PSME4: variants seen among roughly 807,000 people sequenced by gnomAD.
PSME4 encodes the protein proteasome activator complex subunit 4.
In PSME4, 89 loss-of-function variants were observed where a neutral mutation model predicts 253.9. That is an observed-to-expected ratio of 0.35 (90% CI 0.30 to 0.42). The LOEUF (loss-of-function observed/expected upper bound fraction) is 0.42, where lower values mean the gene tolerates loss of function less well. Among genes scored for constraint, PSME4 ranks in the 10% least tolerant of loss-of-function variants. The pLI, the probability that PSME4 is intolerant of heterozygous loss-of-function variation, is 1.00. For missense variants in PSME4, 2,014 were observed against 2,195.2 expected, an observed-to-expected ratio of 0.92 and a Z score of 1.65; for synonymous variants, 851 against 759.2, an observed-to-expected ratio of 1.12 and a Z score of -1.99.
chr2:53,943,136 C>T (rs1669530807), intron 3 of PSME4, among the ~76,000 whole-genome samples: 1 of 152,186 alleles, frequency 6.6e-6, no homozygotes, highest in Admixed American at 6.5e-5. Context: ...ATGATATATT[C>T]AAGATGAGAG....
intron 20 of PSME4, among the ~76,000 whole-genome samples, chr2:53,913,263 C>A (rs986266648): frequency 6.6e-6 from 1 of 151,930 alleles, no homozygotes; most frequent in Non-Finnish European, 1.5e-5. Flanking sequence ...TAAAAAAGGA[C>A]CTATGAATTT....
At chr2:53,945,216 T>A (rs1192683282) in intron 3 of PSME4, among the ~76,000 whole-genome samples, 1 of 152,234 alleles carries the variant, frequency 6.6e-6, no homozygotes, top group East Asian at 1.9e-4. Context: ...ATGTTGCCTA[T>A]ACTATAACTT....
Position 53,970,823 on chromosome 2 carries a change from C to A in PSME4, c.-39G>T, listed in dbSNP as rs1326933766. The A allele has an allele frequency of 7.1e-6, 10 of 1,402,044 alleles. No individual in the cohort carries two copies. Among genetic ancestry groups the A allele is most frequent in the South Asian group, 1.4e-5 (1 of 71,116 alleles). 86.9% of individuals were successfully genotyped at this position (1,402,044 alleles called of 1,614,324 possible). A position where few individuals can be genotyped will look rare whatever the true frequency, so the allele number is the denominator to read the frequency against. On this transcript the variant is annotated 5_prime_UTR_variant, in exon 1 of 47. Transcript: ENST00000404125. ...CCCCCCCCACCCCCTCCCACCCGAA[C>A]CCTCCCCGGCCCCCACCCCTCTCCG...
chr2:53,954,935 T>C (rs977571826), intron 1 of PSME4, among the ~76,000 whole-genome samples: 7 of 151,960 alleles, frequency 4.6e-5, no homozygotes, highest in African/African-American at 9.7e-5. Context: ...ATCCTAGCAC[T>C]CTGGGAAGTT....
intron 27 of PSME4, among the ~76,000 whole-genome samples, chr2:53,903,109 CTTA>C (rs1044924803): frequency 6.6e-6 from 1 of 152,158 alleles, no homozygotes; most frequent in African/African-American, 2.4e-5. Context: ...TGGTCCTCTT[CTTA>C]TTCTCCTCCT....
intron 5 of PSME4, among the ~76,000 whole-genome samples, 183 bp from the exon 6 acceptor site, chr2:53,937,010 AATTT>A (rs1339939317): frequency 6.6e-6 from 1 of 152,156 alleles, no homozygotes; most frequent in Non-Finnish European, 1.5e-5. Context: ...TTCCTTTCCT[AATTT>A]ATTTAAGAAA....
At chr2:53,876,537 G>A (rs186636710) in intron 41 of PSME4, among the ~76,000 whole-genome samples, 108 of 152,056 alleles carry the variant, frequency 7.1e-4, no homozygotes, top group Non-Finnish European at 1.3e-3. Context: ...TATAAAAAGA[G>A]AGATTTGCGA....
At chr2:53,952,259 T>C (rs925503613) in intron 1 of PSME4, among the ~76,000 whole-genome samples, 2 of 151,604 alleles carry the variant, frequency 1.3e-5, no homozygotes, top group Non-Finnish European at 2.9e-5. Flanking sequence ...GCCAATATGG[T>C]GAAACTTTGT....
At chr2:53,949,393 C>T (rs571930579) in intron 1 of PSME4, 110 bp from the exon 2 acceptor site, 5 of 561,668 alleles carry the variant, frequency 8.9e-6, no homozygotes, top group Non-Finnish European at 1.4e-5. Context: ...TGAATGGCCA[C>T]AGAAGGATGA....
In PSME4 at chr2:53,921,448, T is replaced by C. The variant is rs1319988268; in HGVS notation, c.2047-344A>G. Among the ~76,000 whole-genome samples the C allele has an allele frequency of 2.0e-5, 3 of 151,178 alleles. No homozygotes were observed. In the South Asian group the frequency reaches 6.3e-4, roughly 32 times the overall value. On this transcript the variant is annotated intron_variant, in intron 17 of 46. Transcript: ENST00000404125. ...TTTTAGTAGAGACAAGGTTTCACCATGTTGGCCAGGATGGTCTCTAACTCC... is the reference window on the plus strand; with the variant it reads ...TTTTAGTAGAGACAAGGTTTCACCACGTTGGCCAGGATGGTCTCTAACTCC...
intron 26 of PSME4, 79 bp from the exon 27 acceptor site, chr2:53,904,235 G>C (rs1439321388): frequency 1.5e-6 from 2 of 1,328,946 alleles, no homozygotes; most frequent in Non-Finnish European, 2.1e-6. Flanking sequence ...ATCAAAAACA[G>C]TAATGATAAT....
In PSME4 at chr2:53,899,906, G is replaced by C. The variant is rs199641226; in HGVS notation, c.3397C>G (p.Gln1133Glu). 13 of 1,613,326 alleles carry C rather than the reference G, an allele frequency of 8.1e-6. No individual in the cohort carries two copies. Among genetic ancestry groups the C allele is most frequent in the East Asian group, 2.2e-5 (1 of 44,878 alleles). The change falls in exon 29 of 47, where the codon CAG (glutamine) becomes GAG (glutamate). Residue 1133 changes from glutamine (Q) to glutamate (E), a missense_variant. By Grantham distance (29) the Gln-to-Glu change is conservative. Around this residue, in one of 4 missense-constraint regions of PSME4, gnomAD observed 989 missense variants for 1,021.1 expected, o/e 0.97. Coordinates refer to ENST00000404125, the MANE Select transcript of PSME4 (RefSeq NM_014614.3). The stretch of plus-strand genomic sequence containing the variant: ...CTTAGGGCATCGGCATTCTTTTCCT[G>C]TTGGCGTTTAATTCCTTCCTTAATT... ...EKIKEGIKRQQEKNADALRNY... is the reference protein window; with the variant it reads ...EKIKEGIKRQEEKNADALRNY...
intron 44 of PSME4, among the ~76,000 whole-genome samples, chr2:53,868,586 T>TA (rs1194062751): frequency 7.4e-6 from 1 of 134,432 alleles, no homozygotes; most frequent in Admixed American, 8.2e-5. Flanking sequence ...AAAATATATT[T>TA]ATAATATATA....
At chr2:53,889,339 T>C (rs1030383336) in intron 37 of PSME4, among the ~76,000 whole-genome samples, 2 of 152,202 alleles carry the variant, frequency 1.3e-5, no homozygotes, top group African/African-American at 4.8e-5. Flanking sequence ...CTGTACACTT[T>C]AAATCTTCTC....
At chr2:53,899,644 C>G (rs552592283) in intron 29 of PSME4, among the ~76,000 whole-genome samples, 26 of 151,854 alleles carry the variant, frequency 1.7e-4, no homozygotes, top group African/African-American at 6.0e-4. Flanking sequence ...GTGGTAAAAC[C>G]CTGTCTCTAC....
intron 1 of PSME4, among the ~76,000 whole-genome samples, chr2:53,950,978 T>C (rs1368137928): frequency 6.6e-6 from 1 of 151,844 alleles, no homozygotes; most frequent in African/African-American, 2.4e-5. Context: ...TGGAGGAGGG[T>C]CATTTTATTA....
At chr2:53,874,271 T>C (rs1679021743) in intron 43 of PSME4, 68 bp downstream of exon 43, 5 of 1,475,742 alleles carry the variant, frequency 3.4e-6, no homozygotes, top group Admixed American at 2.1e-5. Flanking sequence ...CAAATACTTA[T>C]TAAAAAGGGA....
chr2:53,889,440 A>T (rs1389219555), intron 37 of PSME4, among the ~76,000 whole-genome samples: 1 of 152,178 alleles, frequency 6.6e-6, no homozygotes, highest in Non-Finnish European at 1.5e-5. Flanking sequence ...GAAAAAAAAA[A>T]TCTGAACAGG....
At position 53,923,066 on chromosome 2, in the gene PSME4, A is replaced by G. The variant is rs201991080; in HGVS notation, c.1961T>C (p.Ile654Thr). ...TGACTTACTCATTGTAAGCTGAGTTATAACACTGCAGCAGTGGGGAACAAA... is the reference window on the plus strand; with the variant it reads ...TGACTTACTCATTGTAAGCTGAGTTGTAACACTGCAGCAGTGGGGAACAAA... Reference protein sequence around the residue: ...KLFVPHCCSVITQLTMNDDVL... With the variant: ...KLFVPHCCSVTTQLTMNDDVL... Residue 654 changes from isoleucine to threonine, a missense_variant, in exon 16 of 47, where the codon ATA becomes ACA. By Grantham distance (89) the Ile-to-Thr change is moderately conservative. This residue lies in a region of PSME4 where 989 missense variants were observed against 1,021.1 expected (regional missense o/e 0.97). Transcript: ENST00000404125. 2.5e-6 allele frequency: 4 copies of G among 1,599,292 alleles called. No individual in the cohort carries two copies. The highest frequency in any genetic ancestry group is 4.5e-5 in the East Asian group (2 of 44,572).
Sources: allele counts gnomAD v4.1 joint callset (sites outside exome capture counted in the v4.1 genomes callset), GRCh38; gene constraint gnomAD v4.1.1; regional missense constraint gnomAD v4.1.1; transcripts MANE v1.5; gene names NCBI Gene and HGNC (gene_info 2026-07-23, HGNC 2026-07-21).